MTHFS: variants seen among roughly 807,000 people sequenced by gnomAD.
MTHFS encodes the protein methenyltetrahydrofolate synthetase.
Under a neutral mutation model 12.7 loss-of-function variants are expected in MTHFS, and 7 were observed. The observed-to-expected ratio is 0.55, with a 90% CI of 0.31 to 1.03. MTHFS has a LOEUF of 1.03. Among genes scored for constraint, MTHFS ranks in the 50% least tolerant of loss-of-function variants. The probability of loss-of-function intolerance (pLI) is 0.05; values close to 1 mark genes in which losing one functional copy is unlikely to be tolerated. For missense variants in MTHFS, 252 were observed against 258.1 expected, an observed-to-expected ratio of 0.98 and a Z score of 0.16; for synonymous variants, 100 against 97.1, an observed-to-expected ratio of 1.03 and a Z score of -0.18.
At chr15:79,870,630 T>C (rs191664646) in intron 2 of MTHFS, among the ~76,000 whole-genome samples, 1 of 152,034 alleles carries the variant, frequency 6.6e-6, no homozygotes, top group Admixed American at 6.6e-5. Context: ...TTCATCAAAA[T>C]ACATAAATCA....
At chr15:79,879,604 T>C (rs576262747) in intron 2 of MTHFS, among the ~76,000 whole-genome samples, 3 of 152,250 alleles carry the variant, frequency 2.0e-5, no homozygotes, top group Non-Finnish European at 4.4e-5. Flanking sequence ...TTTGTTTTTC[T>C]GGTTTGTTTC....
At position 79,878,343 on chromosome 15, in the gene MTHFS, C is replaced by T. The variant is rs138884656; in HGVS notation, c.379+10750G>A. Among the ~76,000 whole-genome samples, 5 of 151,780 alleles carry T rather than the reference C, an allele frequency of 3.3e-5. No homozygotes were observed. In the East Asian group the frequency reaches 9.7e-4, roughly 29 times the overall value. ...CCAAGAACAAAGACAGCACTTGACG[C>T]TTATACACACTTCTAAAAGGGGATG... On this transcript the variant is annotated intron_variant, in intron 2 of 2. Coordinates refer to ENST00000258874, the MANE Select transcript of MTHFS (RefSeq NM_006441.4).
At chr15:79,884,293 C>T (rs1186489803) in intron 2 of MTHFS, among the ~76,000 whole-genome samples, 1 of 152,162 alleles carries the variant, frequency 6.6e-6, no homozygotes, top group Non-Finnish European at 1.5e-5. Context: ...AGGAGCTGTA[C>T]CAAGGAGGCA....
At chr15:79,868,312 A>G (rs898514936) in intron 2 of MTHFS, among the ~76,000 whole-genome samples, 1 of 152,222 alleles carries the variant, frequency 6.6e-6, no homozygotes, top group Admixed American at 6.5e-5. Context: ...TAATTTCATG[A>G]TGTTGAGAAT....
chr15:79,884,746 GGAACAGTGA>G (rs2034353424), intron 2 of MTHFS, among the ~76,000 whole-genome samples: 1 of 152,146 alleles, frequency 6.6e-6, no homozygotes, highest in African/African-American at 2.4e-5. Context: ...CTGAAAATAA[GGAACAGTGA>G]GACATCTAAA....
chr15:79,853,102 C>T (rs947223766), intron 2 of MTHFS, among the ~76,000 whole-genome samples: 1 of 152,158 alleles, frequency 6.6e-6, no homozygotes, highest in Non-Finnish European at 1.5e-5. Flanking sequence ...ACCCATAATA[C>T]AGGTTCACCC....
At chr15:79,852,637 T>C (rs2033736687) in intron 2 of MTHFS, among the ~76,000 whole-genome samples, 1 of 152,162 alleles carries the variant, frequency 6.6e-6, no homozygotes, top group African/African-American at 2.4e-5. Flanking sequence ...AATTCTTTCT[T>C]TTAACACAGA....
chr15:79,879,930 A>C (rs1197915034), intron 2 of MTHFS, among the ~76,000 whole-genome samples: 2 of 152,178 alleles, frequency 1.3e-5, no homozygotes, highest in Non-Finnish European at 2.9e-5. Flanking sequence ...AGAACACTTA[A>C]ATTTTTACAG....
chr15:79,855,339 G>T (rs943269607), intron 2 of MTHFS, among the ~76,000 whole-genome samples: 1 of 152,048 alleles, frequency 6.6e-6, no homozygotes, highest in Admixed American at 6.6e-5. Flanking sequence ...AATATAAATG[G>T]CATTTCTAAA....
rs751966216 is a variant in MTHFS at position 79,896,976 on chromosome 15, C to T, written c.13G>A (p.Ala5Thr). 4.2e-5 allele frequency: 64 copies of T among 1,530,320 alleles called. No individual in the cohort carries two copies. Among genetic ancestry groups the T allele is most frequent in the Non-Finnish European group, 5.2e-5 (60 of 1,144,210 alleles). 94.8% of individuals were successfully genotyped at this position (1,530,320 alleles called of 1,614,324 possible). ...AGGCTCCGCTTGGCGCTGCTCACCG[C>T]TGCCGCCGCCATCTCACGCCCAAGC... MAAA[A>T]VSSAKRSLRG... Residue 5 changes from alanine to threonine, a missense_variant, in exon 1 of 3, where the codon GCG becomes ACG. Physicochemically the swap from Ala to Thr is moderately conservative, Grantham distance 58. Coordinates refer to ENST00000258874, the MANE Select transcript of MTHFS (RefSeq NM_006441.4).
intron 2 of MTHFS, among the ~76,000 whole-genome samples, chr15:79,874,062 C>T: frequency 6.6e-6 from 1 of 152,202 alleles, no homozygotes; most frequent in East Asian, 1.9e-4. Context: ...AACTCACAGA[C>T]AGATCAATCA....
At chr15:79,895,885 G>C (rs1262069080) in intron 1 of MTHFS, among the ~76,000 whole-genome samples, 1 of 152,180 alleles carries the variant, frequency 6.6e-6, no homozygotes, top group Non-Finnish European at 1.5e-5. Context: ...ATGATGCTGG[G>C]AAGACAGATC....
chr15:79,879,917 C>G (rs1262939210), intron 2 of MTHFS, among the ~76,000 whole-genome samples: 6 of 152,132 alleles, frequency 3.9e-5, no homozygotes, highest in African/African-American at 1.4e-4. Flanking sequence ...TCACTACACC[C>G]AAAGAACACT....
At chr15:79,852,360 T>C (rs1005098595) in intron 2 of MTHFS, among the ~76,000 whole-genome samples, 3 of 152,222 alleles carry the variant, frequency 2.0e-5, no homozygotes, top group African/African-American at 4.8e-5. Context: ...AACTTCTGAT[T>C]ATATACAAAA....
intron 2 of MTHFS, among the ~76,000 whole-genome samples, chr15:79,846,095 A>T (rs188109401): frequency 6.6e-6 from 1 of 152,226 alleles, no homozygotes; most frequent in Admixed American, 6.5e-5. Context: ...AGAACTGGCT[A>T]TGACATTATC....
intron 1 of MTHFS, among the ~76,000 whole-genome samples, chr15:79,895,156 G>A (rs2034546598): frequency 6.6e-6 from 1 of 152,164 alleles, no homozygotes; most frequent in Non-Finnish European, 1.5e-5. Flanking sequence ...AGGATATACA[G>A]TTAAAAAACA....
chr15:79,863,842 A>G (rs765657871), intron 2 of MTHFS, among the ~76,000 whole-genome samples: 2 of 152,218 alleles, frequency 1.3e-5, no homozygotes, highest in Non-Finnish European at 2.9e-5. Flanking sequence ...TACAACTCCC[A>G]GACTTCTTTT....
At chr15:79,884,530 G>T (rs765256783) in intron 2 of MTHFS, among the ~76,000 whole-genome samples, 5 of 152,086 alleles carry the variant, frequency 3.3e-5, no homozygotes, top group African/African-American at 4.8e-5. Flanking sequence ...TTATTCCAAT[G>T]GAACAGATAT....
intron 2 of MTHFS, chr15:79,876,158 A>T (rs2034190948): frequency 6.6e-6 from 1 of 152,156 alleles, no homozygotes; most frequent in Non-Finnish European, 1.5e-5. Context: ...AACAAAAAAA[A>T]TATAGGATAT....
Sources: allele counts gnomAD v4.1 joint callset (sites outside exome capture counted in the v4.1 genomes callset), GRCh38; gene constraint gnomAD v4.1.1; transcripts MANE v1.5; gene names NCBI Gene and HGNC (gene_info 2026-07-23, HGNC 2026-07-21).